ADGRL4: variants seen among roughly 807,000 people sequenced by gnomAD.
The protein encoded by ADGRL4 is adhesion G protein-coupled receptor L4.
A neutral mutation model predicts 74.8 loss-of-function variants in ADGRL4; 90 were observed. The observed-to-expected ratio is 1.20, with a 90% CI of 1.02 to 1.43. The LOEUF is 1.43. ADGRL4 is among the 40% of genes most tolerant of loss of function. The pLI, the probability that ADGRL4 is intolerant of heterozygous loss-of-function variation, is 0.00. For missense variants in ADGRL4, 881 were observed against 814.3 expected (o/e 1.08, Z -1.00); for synonymous variants, 311 against 279.2 (o/e 1.11, Z -1.14).
intron 8 of ADGRL4, among the ~76,000 whole-genome samples, chr1:78,921,991 G>A (rs6658041): frequency 0.55 from 84,074 of 151,708 alleles, 23,942 homozygotes; most frequent in East Asian, 0.7. Context: ...TCTCACAAAC[G>A]TGTGGTAATT....
intron 2 of ADGRL4, among the ~76,000 whole-genome samples, chr1:78,959,736 T>C (rs1649906844): frequency 1.3e-5 from 2 of 152,316 alleles, no homozygotes; most frequent in African/African-American, 4.8e-5. Context: ...CTTAAAACTG[T>C]TGATAAAAGT....
At chr1:78,985,941 T>C (rs765072946) in intron 2 of ADGRL4, among the ~76,000 whole-genome samples, 1 of 151,818 alleles carries the variant, frequency 6.6e-6, no homozygotes, top group Non-Finnish European at 1.5e-5. Flanking sequence ...AATAATGCCA[T>C]GTTCTCCCTT....
chr1:78,960,898 G>A (rs1649938301), intron 2 of ADGRL4, among the ~76,000 whole-genome samples: 1 of 152,100 alleles, frequency 6.6e-6, no homozygotes, highest in Non-Finnish European at 1.5e-5. Context: ...AATTTTTGTT[G>A]TTTACAAGAT....
chr1:78,916,677 C>T (rs566141649), intron 12 of ADGRL4, among the ~76,000 whole-genome samples: 1 of 151,902 alleles, frequency 6.6e-6, no homozygotes, highest in African/African-American at 2.4e-5. Context: ...GGTCCTTCTC[C>T]ATTTAGCAGT....
rs140377029 is a variant in ADGRL4 at position 78,922,211 on chromosome 1, C to A, written c.1084-425G>T. 3.0e-4 allele frequency among the ~76,000 whole-genome samples: 46 copies of A among 151,974 alleles called. No homozygotes were observed. The East Asian group carries it at 8.4e-3, about 28-fold the overall frequency. On this transcript the variant is annotated intron_variant, in intron 8 of 14. Coordinates refer to ENST00000370742, the MANE Select transcript of ADGRL4 (RefSeq NM_022159.4). ...AAAAATTATTCAATGAGAAAAGTAA[C>A]CCTGGGTAAGAAGAAAGAAAGTGAT... is the stretch of plus-strand genomic sequence containing the variant.
At chr1:78,961,358 G>GT in intron 2 of ADGRL4, among the ~76,000 whole-genome samples, 1 of 152,098 alleles carries the variant, frequency 6.6e-6, no homozygotes, top group East Asian at 1.9e-4. Flanking sequence ...GGCCAGGATG[G>GT]TCTCGGTCTC....
At chr1:78,937,223 T>A (rs7520062) in intron 6 of ADGRL4, among the ~76,000 whole-genome samples, 93,138 of 151,918 alleles carry the variant, frequency 0.61, 28,708 homozygotes, top group East Asian at 0.7. Flanking sequence ...GGCAAGTGGA[T>A]GGCTTGAGGC....
chr1:79,003,010 G>A (rs1185494181), intron 2 of ADGRL4, among the ~76,000 whole-genome samples: 2 of 151,982 alleles, frequency 1.3e-5, no homozygotes, highest in African/African-American at 4.8e-5. Context: ...TTATGATAAT[G>A]GCGATATTGA....
intron 12 of ADGRL4, among the ~76,000 whole-genome samples, chr1:78,900,747 A>G (rs1477744755): frequency 1.3e-5 from 2 of 152,028 alleles, no homozygotes; most frequent in Non-Finnish European, 2.9e-5. Context: ...TTTCCCAGCC[A>G]TGCTTCCTGT....
At chr1:78,993,772 A>C (rs1246642836) in intron 2 of ADGRL4, among the ~76,000 whole-genome samples, 1 of 151,796 alleles carries the variant, frequency 6.6e-6, no homozygotes, top group Non-Finnish European at 1.5e-5. Context: ...ACGGGGTTTC[A>C]CTGTGTTAGC....
At chr1:78,950,934 T>C (rs982440895) in intron 2 of ADGRL4, among the ~76,000 whole-genome samples, 3 of 152,138 alleles carry the variant, frequency 2.0e-5, no homozygotes, top group Non-Finnish European at 4.4e-5. Context: ...TGATGTGCCT[T>C]AATTAACTGA....
intron 2 of ADGRL4, among the ~76,000 whole-genome samples, chr1:78,987,312 G>A (rs941280042): frequency 1.3e-5 from 2 of 151,740 alleles, no homozygotes; most frequent in African/African-American, 4.8e-5. Flanking sequence ...GCCATCCATT[G>A]ACATATAGGT....
chr1:78,940,263 A>G (rs1384419712), intron 3 of ADGRL4, among the ~76,000 whole-genome samples: 1 of 152,192 alleles, frequency 6.6e-6, no homozygotes, highest in Non-Finnish European at 1.5e-5. Flanking sequence ...AGTTAACCTA[A>G]AAAACTAAGA....
At chr1:78,997,109 T>A (rs144138327) in intron 2 of ADGRL4, among the ~76,000 whole-genome samples, 1 of 152,164 alleles carries the variant, frequency 6.6e-6, no homozygotes, top group African/African-American at 2.4e-5. Context: ...GATGATCACC[T>A]TGTTTAACCT....
intron 2 of ADGRL4, 32 bp downstream of exon 2, chr1:79,005,038 A>G (rs550644945): frequency 3.1e-6 from 5 of 1,597,268 alleles, no homozygotes; most frequent in African/African-American, 2.7e-5. Flanking sequence ...ATCTTACAGT[A>G]TAATCCAAAA....
Position 78,935,916 on chromosome 1 carries a change from G to A in ADGRL4, c.877+379C>T, listed in dbSNP as rs1451171941. Among the ~76,000 whole-genome samples the A allele has an allele frequency of 2.3e-4, 6 of 25,622 alleles. 2 individuals are homozygous for A. Among genetic ancestry groups the A allele is most frequent in the African/African-American group, 5.9e-4 (6 of 10,090 alleles). The allele number at this position is 25,622 out of a possible 152,430, so 16.8% of individuals were successfully genotyped here. On this transcript the variant is annotated intron_variant, in intron 7 of 14. Transcript: ENST00000370742. ...AGGCGGGCGGATCACGAGGTCAGGA[G>A]ATCGAGACCATCCTGGCTAACACGG...
Position 78,926,881 on chromosome 1 carries a change from C to T in ADGRL4, c.1083+5G>A. The T allele has an allele frequency of 6.2e-7, 1 of 1,606,368 alleles. No individual in the cohort carries two copies. Among genetic ancestry groups the T allele is most frequent in the Non-Finnish European group, 8.5e-7 (1 of 1,174,226 alleles). ...TAGCCAATAACTACCAGAAAAACAG[C>T]TTACCTTTCGATGACTTAATGTAAA... On this transcript the variant is annotated splice_donor_5th_base_variant and intron_variant, in intron 8 of 14. Coordinates refer to ENST00000370742, the MANE Select transcript of ADGRL4 (RefSeq NM_022159.4).
chr1:78,896,605 C>T (rs201383008), intron 12 of ADGRL4, among the ~76,000 whole-genome samples: 64 of 152,132 alleles, frequency 4.2e-4, no homozygotes, highest in East Asian at 5.8e-4. Flanking sequence ...TATCCTGAAA[C>T]GGGCCACCAT....
At chr1:78,975,231 C>A (rs1387362724) in intron 2 of ADGRL4, among the ~76,000 whole-genome samples, 2 of 151,668 alleles carry the variant, frequency 1.3e-5, no homozygotes, top group African/African-American at 4.8e-5. Context: ...GTGAGTGGGA[C>A]CAAAATGATG....
Sources: gnomAD v4.1 joint callset for allele counts (sites outside exome capture counted in the v4.1 genomes callset) on GRCh38, gnomAD v4.1.1 for gene constraint, MANE v1.5 for transcripts, NCBI Gene and HGNC (gene_info 2026-07-23, HGNC 2026-07-21) for gene names.